CCNY: variants seen among roughly 807,000 people sequenced by gnomAD.
CCNY encodes cyclin-Y.
Under a neutral mutation model 42.8 loss-of-function variants are expected in CCNY, and 19 were observed. That is an observed-to-expected ratio of 0.44 (90% CI 0.31 to 0.65). CCNY has a LOEUF of 0.65. CCNY is among the 30% of genes least tolerant of loss of function. The pLI, the probability that CCNY is intolerant of heterozygous loss-of-function variation, is 0.07. For missense variants in CCNY, 370 were observed against 437.3 expected (o/e 0.85, Z 1.37); for synonymous variants, 165 against 162.7 (o/e 1.01, Z -0.11).
intron 3 of CCNY, among the ~76,000 whole-genome samples, chr10:35,259,858 CTTAAGGAAATT>C (rs1401103235): frequency 2.7e-5 from 4 of 150,202 alleles, no homozygotes; most frequent in Non-Finnish European, 5.9e-5. Flanking sequence ...GTGGGCTCTT[CTTAAGGAAATT>C]TTATGCATAA....
chr10:35,263,104 A>C (rs12264574), intron 3 of CCNY, among the ~76,000 whole-genome samples: 56,021 of 151,450 alleles, frequency 0.37, 10,922 homozygotes, highest in African/African-American at 0.5. Flanking sequence ...CGCCTGTAAT[A>C]CCAGCACTTT....
intron 1 of CCNY, among the ~76,000 whole-genome samples, chr10:35,412,224 AG>A (rs1837921883): frequency 6.6e-6 from 1 of 152,206 alleles, no homozygotes; most frequent in Non-Finnish European, 1.5e-5. Context: ...ACTTCGTTAC[AG>A]GGAGGGAGTG....
At chr10:35,264,709 C>T (rs1452840189) in intron 3 of CCNY, among the ~76,000 whole-genome samples, 1 of 152,066 alleles carries the variant, frequency 6.6e-6, no homozygotes, top group East Asian at 1.9e-4. Flanking sequence ...TGCTGGAGTG[C>T]AGTGGCGTGA....
At chr10:35,485,115 C>T (rs967098017) in intron 2 of CCNY, among the ~76,000 whole-genome samples, 9 of 152,198 alleles carry the variant, frequency 5.9e-5, no homozygotes, top group Non-Finnish European at 7.3e-5. Context: ...AAATGAGTCT[C>T]ATAGAAAAAG....
intron 3 of CCNY, among the ~76,000 whole-genome samples, chr10:35,511,656 T>G: frequency 6.6e-6 from 1 of 152,230 alleles, no homozygotes; most frequent in East Asian, 1.9e-4. Context: ...TCTCCTTGTC[T>G]GTAAAATGGG....
intron 3 of CCNY, among the ~76,000 whole-genome samples, chr10:35,303,789 A>C: frequency 6.6e-6 from 1 of 150,968 alleles, no homozygotes; most frequent in Non-Finnish European, 1.5e-5. Flanking sequence ...AAAAAAAAAA[A>C]AAAAAAAAAA....
At chr10:35,312,475 A>C (rs1345513278) in intron 3 of CCNY, among the ~76,000 whole-genome samples, 1 of 150,584 alleles carries the variant, frequency 6.6e-6, no homozygotes, top group Non-Finnish European at 1.5e-5. Flanking sequence ...CATCCTTCTC[A>C]CTATGGTGCC....
intron 3 of CCNY, among the ~76,000 whole-genome samples, chr10:35,297,368 G>A (rs1835483349): frequency 6.6e-6 from 1 of 152,028 alleles, no homozygotes; most frequent in Non-Finnish European, 1.5e-5. Context: ...AATAATAAGA[G>A]CTATCTATGA....
At chr10:35,364,610 C>T (rs60787965) in intron 1 of CCNY, among the ~76,000 whole-genome samples, 1 of 152,156 alleles carries the variant, frequency 6.6e-6, no homozygotes, top group East Asian at 1.9e-4. Context: ...GTTTTGAAGC[C>T]TTCTGTGAAA....
At chr10:35,411,713 GAA>G (rs1837909936) in intron 1 of CCNY, among the ~76,000 whole-genome samples, 1 of 152,074 alleles carries the variant, frequency 6.6e-6, no homozygotes, top group African/African-American at 2.4e-5. Context: ...ACCTGGGAAA[GAA>G]TGCAGAAACC....
intron 1 of CCNY, among the ~76,000 whole-genome samples, chr10:35,460,160 T>C (rs1050307773): frequency 1.3e-5 from 2 of 152,194 alleles, no homozygotes; most frequent in East Asian, 3.8e-4. Context: ...TGACCTAGTG[T>C]CTCCCTGCCG....
chr10:35,333,548 T>C (rs952949154), upstream of CCNY, among the ~76,000 whole-genome samples: 4 of 152,002 alleles, frequency 2.6e-5, no homozygotes, highest in East Asian at 1.9e-4. Flanking sequence ...AGGTAGGAGG[T>C]TGGGGTGGAT....
chr10:35,369,361 TG>T (rs1836879928), intron 1 of CCNY, among the ~76,000 whole-genome samples: 1 of 152,230 alleles, frequency 6.6e-6, no homozygotes, highest in Non-Finnish European at 1.5e-5. Flanking sequence ...GTTTCAGTGA[TG>T]GATTCGTTAC....
At chr10:35,442,374 A>G (rs1838690229) in intron 1 of CCNY, among the ~76,000 whole-genome samples, 1 of 152,260 alleles carries the variant, frequency 6.6e-6, no homozygotes, top group South Asian at 2.1e-4. Flanking sequence ...TTTATTAGCC[A>G]TCTGCTGTGC....
chr10:35,474,034 C>T (rs559470766), intron 1 of CCNY, among the ~76,000 whole-genome samples: 8 of 152,314 alleles, frequency 5.3e-5, no homozygotes, highest in East Asian at 1.9e-4. Context: ...AAAGGGGTGA[C>T]GGACGGCACC....
intron 3 of CCNY, among the ~76,000 whole-genome samples, chr10:35,281,783 C>T (rs528696588): frequency 3.4e-4 from 51 of 152,124 alleles, no homozygotes; most frequent in Non-Finnish European, 6.9e-4. Flanking sequence ...ATACATGCTA[C>T]GGCATGGATG....
chr10:35,450,295 G>C (rs1589129523), intron 1 of CCNY, among the ~76,000 whole-genome samples: 2 of 152,148 alleles, frequency 1.3e-5, no homozygotes, highest in South Asian at 2.1e-4. Context: ...GAGTCCTTTT[G>C]GTGACTTACA....
At chr10:35,480,351 A>G (rs1217230986) in intron 1 of CCNY, among the ~76,000 whole-genome samples, 3 of 152,084 alleles carry the variant, frequency 2.0e-5, no homozygotes, top group Non-Finnish European at 4.4e-5. Context: ...GGCTTCCCCC[A>G]CAGAGAACAA....
intron 3 of CCNY, among the ~76,000 whole-genome samples, chr10:35,278,872 C>T (rs1007160188): frequency 3.3e-5 from 5 of 152,188 alleles, no homozygotes; most frequent in African/African-American, 1.2e-4. Flanking sequence ...GCACACTATC[C>T]ACCATGCCTT....
Sources: gnomAD v4.1 joint callset for allele counts (sites outside exome capture counted in the v4.1 genomes callset) on GRCh38, gnomAD v4.1.1 for gene constraint, MANE v1.5 for transcripts, NCBI Gene and HGNC (gene_info 2026-07-23, HGNC 2026-07-21) for gene names.